The following SCFD1 variants were observed in gnomAD, a reference collection of about 807,000 sequenced individuals.
The protein encoded by SCFD1 is sec1 family domain containing 1.
SCFD1 carries 37 observed loss-of-function variants against 103.2 expected under a neutral mutation model. The observed-to-expected ratio is 0.36, with a 90% CI of 0.28 to 0.47. The LOEUF is 0.47. Ranked by LOEUF, SCFD1 falls within the 20% of genes least tolerant of loss-of-function variation. The probability of loss-of-function intolerance (pLI) is 1.00; values close to 1 mark genes in which losing one functional copy is unlikely to be tolerated. For synonymous variants in SCFD1, 264 were observed against 245.0 expected (o/e 1.08, Z -0.73); for missense variants, 639 against 761.2 (o/e 0.84, Z 1.89).
In SCFD1 at chr14:30,732,281, A is replaced by G. The variant is rs376985227; in HGVS notation, c.1837-2509A>G. ...ATAGAGATAGTTTTGCTTCTTTTCT[A>G]TCTTCTGCAACTGCCCTGGCTAGAA... On this transcript the variant is annotated intron_variant, in intron 23 of 24. Coordinates refer to ENST00000458591, the MANE Select transcript of SCFD1 (RefSeq NM_016106.4). Among the ~76,000 whole-genome samples the G allele has an allele frequency of 1.4e-4, 21 of 152,218 alleles. No individual in the cohort carries two copies. The East Asian group carries it at 2.9e-3, about 21-fold the overall frequency.
chr14:30,677,906 C>T (rs922945501), intron 14 of SCFD1, among the ~76,000 whole-genome samples: 1 of 131,910 alleles, frequency 7.6e-6, no homozygotes, highest in Non-Finnish European at 1.5e-5. Flanking sequence ...GTGGCACACT[C>T]TCAGCTCACT....
rs574830496 is a variant in SCFD1 at position 30,717,223 on chromosome 14, C to T, written c.1683+1246C>T. On this transcript the variant is annotated intron_variant, in intron 20 of 24. Coordinates refer to ENST00000458591, the MANE Select transcript of SCFD1 (RefSeq NM_016106.4). ...AGGCATGTTTGCTTATGCCTGTAAT[C>T]CCAGCACTTTAGGTGGCCAAGGCTG... 1.3e-4 allele frequency among the ~76,000 whole-genome samples: 20 copies of T among 152,308 alleles called. No homozygotes were observed. In the South Asian group the frequency reaches 3.9e-3, roughly 30 times the overall value.
At chr14:30,660,882 T>C (rs1887387234) in intron 10 of SCFD1, among the ~76,000 whole-genome samples, 1 of 152,178 alleles carries the variant, frequency 6.6e-6, no homozygotes, top group Non-Finnish European at 1.5e-5. Context: ...TTTGATAGTT[T>C]CTTTGCTTCC....
intron 15 of SCFD1, among the ~76,000 whole-genome samples, chr14:30,695,502 G>A (rs1890631507): frequency 6.6e-6 from 1 of 152,094 alleles, no homozygotes. Context: ...GCCAGGAAAG[G>A]GAGAGAGGTG....
intron 20 of SCFD1, among the ~76,000 whole-genome samples, chr14:30,718,044 C>A (rs942110564): frequency 2.0e-5 from 3 of 152,120 alleles, no homozygotes; most frequent in African/African-American, 7.2e-5. Context: ...TAATAAATGT[C>A]AAACTGAAGA....
At chr14:30,719,449 T>A in intron 21 of SCFD1, 72 bp downstream of exon 21, 2 of 1,024,950 alleles carry the variant, frequency 2.0e-6, no homozygotes, top group Non-Finnish European at 3.0e-6. Flanking sequence ...TTTTATTATA[T>A]AGTACTGCTT....
chr14:30,734,758 T>A, intron 23 of SCFD1, 32 bp from the exon 24 acceptor site: 1 of 1,491,262 alleles, frequency 6.7e-7, no homozygotes, highest in Non-Finnish European at 9.4e-7. Context: ...TTCTTGTTAC[T>A]TGTATCTAAG....
At chr14:30,707,375 T>A (rs1171020309) in intron 18 of SCFD1, among the ~76,000 whole-genome samples, 1 of 152,170 alleles carries the variant, frequency 6.6e-6, no homozygotes, top group Non-Finnish European at 1.5e-5. Context: ...GTTGTTGTTG[T>A]TTAAAATGTA....
chr14:30,624,773 T>C (rs151123), intron 1 of SCFD1, among the ~76,000 whole-genome samples: 75,044 of 152,044 alleles, frequency 0.49, 21,533 homozygotes, highest in African/African-American at 0.79. Context: ...TCTACAAGGC[T>C]TTATACGATC....
chr14:30,718,445 C>T (rs1415900317), intron 20 of SCFD1, among the ~76,000 whole-genome samples: 2 of 152,188 alleles, frequency 1.3e-5, no homozygotes, highest in Admixed American at 1.3e-4. Flanking sequence ...TTTTACTTAA[C>T]TAGGAAAAAG....
At chr14:30,622,469 G>T in intron 1 of SCFD1, 70 bp downstream of exon 1, 4 of 1,533,862 alleles carry the variant, frequency 2.6e-6, no homozygotes, top group Non-Finnish European at 2.6e-6. Flanking sequence ...TCTGGTGCGT[G>T]CAGCTCAGAG....
chr14:30,657,999 G>A (rs1162041426), intron 10 of SCFD1: 3 of 425,752 alleles, frequency 7.0e-6, no homozygotes, highest in Non-Finnish European at 9.3e-6. Flanking sequence ...CAACTTTGCA[G>A]TGCCCATCTC....
At chr14:30,684,822 T>TTTA (rs71112333) in intron 14 of SCFD1, among the ~76,000 whole-genome samples, 1 of 138,572 alleles carries the variant, frequency 7.2e-6, no homozygotes, top group Non-Finnish European at 1.5e-5. Flanking sequence ...TTTTTTTTTT[T>TTTA]ATTATACTCT....
chr14:30,646,473 T>G, intron 7 of SCFD1, among the ~76,000 whole-genome samples: 1 of 152,212 alleles, frequency 6.6e-6, no homozygotes, highest in East Asian at 1.9e-4. Context: ...ATCCTGGGAA[T>G]AAAGCATACT....
chr14:30,658,611 T>A (rs1053041796), intron 10 of SCFD1, among the ~76,000 whole-genome samples: 16 of 152,172 alleles, frequency 1.1e-4, no homozygotes, highest in Non-Finnish European at 2.9e-5. Context: ...CAGACTGCTC[T>A]AGAATTCCTG....
At chr14:30,631,096 G>A (rs568681218) in intron 3 of SCFD1, among the ~76,000 whole-genome samples, 1 of 152,322 alleles carries the variant, frequency 6.6e-6, no homozygotes, top group East Asian at 1.9e-4. Context: ...GCTCACGCCT[G>A]TAATCCCAGT....
chr14:30,649,792 C>T (rs560951654), intron 8 of SCFD1, among the ~76,000 whole-genome samples: 15 of 152,092 alleles, frequency 9.9e-5, no homozygotes, highest in African/African-American at 2.4e-4. Flanking sequence ...TTATTTACTC[C>T]GGTGTGCTAT....
intron 6 of SCFD1, among the ~76,000 whole-genome samples, chr14:30,642,133 G>A (rs1885340818): frequency 6.6e-6 from 1 of 152,078 alleles, no homozygotes; most frequent in South Asian, 2.1e-4. Flanking sequence ...TGTCGCCCAG[G>A]CTGGAGTGCA....
At chr14:30,668,327 G>T (rs1025082028) in intron 10 of SCFD1, among the ~76,000 whole-genome samples, 1 of 152,166 alleles carries the variant, frequency 6.6e-6, no homozygotes, top group African/African-American at 2.4e-5. Flanking sequence ...AAATGGTGCT[G>T]GGAAAACTGG....
Sources: gnomAD v4.1 joint callset for allele counts (sites outside exome capture counted in the v4.1 genomes callset) on GRCh38, gnomAD v4.1.1 for gene constraint, MANE v1.5 for transcripts, NCBI Gene and HGNC (gene_info 2026-07-23, HGNC 2026-07-21) for gene names.